Variants in TFB1M observed in about 807,000 individuals in gnomAD.
TFB1M encodes the protein transcription factor B1, mitochondrial.
TFB1M carries 27 observed loss-of-function variants against 31.1 expected under a neutral mutation model. The ratio of observed to expected loss-of-function variants is 0.87; its 90% CI spans 0.64 to 1.20. TFB1M has a LOEUF of 1.20. TFB1M is among the 50% of genes most tolerant of loss of function. TFB1M has a pLI of 0.00. For missense variants in TFB1M, 394 were observed against 418.7 expected, an observed-to-expected ratio of 0.94 and a Z score of 0.51; for synonymous variants, 166 against 151.8, an observed-to-expected ratio of 1.09 and a Z score of -0.69.
chr6:155,275,098 C>T lies in TFB1M; in HGVS notation c.666+10060G>A, dbSNP rs901774591. 3.9e-3 allele frequency among the ~76,000 whole-genome samples: 591 copies of T among 150,918 alleles called. 5 individuals are homozygous for T. The highest frequency in any genetic ancestry group is 0.014 in the African/African-American group (559 of 41,250). On this transcript the variant is annotated intron_variant, in intron 5 of 6. Transcript: ENST00000367166. ...AAAATTAGCCGGGCATGGTGGCGGG[C>T]GCCTGTAGTCCCAGCTACTCGGGAG...
chr6:155,245,373 C>G, the TFB1M span, among the ~76,000 whole-genome samples: 1 of 152,140 alleles, frequency 6.6e-6, no homozygotes, highest in Admixed American at 6.6e-5. Context: ...GTAGAACTTT[C>G]TTTGTTTCTT....
intron 5 of TFB1M, among the ~76,000 whole-genome samples, chr6:155,261,815 G>A (rs557402897): frequency 4.7e-4 from 72 of 152,254 alleles, no homozygotes; most frequent in Non-Finnish European, 7.8e-4. Flanking sequence ...TGTGCCAAGC[G>A]GCCTTTCCAC....
At chr6:155,243,744 G>A in the TFB1M span, among the ~76,000 whole-genome samples, 2 of 150,670 alleles carry the variant, frequency 1.3e-5, no homozygotes, top group Admixed American at 1.3e-4. Context: ...CTATGTGGGA[G>A]GCTGAGGCAG....
intron 5 of TFB1M, among the ~76,000 whole-genome samples, chr6:155,268,373 G>T (rs1583318500): frequency 6.6e-6 from 1 of 152,136 alleles, no homozygotes; most frequent in East Asian, 1.9e-4. Flanking sequence ...CTGATCCCCA[G>T]GCTTCTTTGA....
the TFB1M span, chr6:155,248,158 G>A: frequency 5.6e-6 from 9 of 1,613,780 alleles, no homozygotes; most frequent in East Asian, 1.1e-4. Context: ...CCAGGAGAGC[G>A]AGGAGCACTA....
chr6:155,269,902 C>G (rs1482884213), intron 5 of TFB1M, among the ~76,000 whole-genome samples: 1 of 152,176 alleles, frequency 6.6e-6, no homozygotes. Context: ...TATTGTATCC[C>G]TACTATGTGC....
chr6:155,269,442 C>T (rs1784826232), intron 5 of TFB1M, among the ~76,000 whole-genome samples: 1 of 151,560 alleles, frequency 6.6e-6, no homozygotes, highest in African/African-American at 2.4e-5. Flanking sequence ...TTGCCTCAGC[C>T]TCCCGAGAAG....
chr6:155,253,731 A>T, downstream of TFB1M: 2 of 417,562 alleles, frequency 4.8e-6, no homozygotes. Flanking sequence ...GGGGCTCCAG[A>T]GAGAGGGTGA....
At chr6:155,280,420 G>A (rs1368982509) in intron 5 of TFB1M, among the ~76,000 whole-genome samples, 2 of 152,174 alleles carry the variant, frequency 1.3e-5, no homozygotes, top group Non-Finnish European at 2.9e-5. Flanking sequence ...GAACACAGAC[G>A]CGTGGGGCAA....
At chr6:155,250,532 T>C in the TFB1M span, 2 of 1,535,714 alleles carry the variant, frequency 1.3e-6, no homozygotes, top group South Asian at 1.2e-5. Flanking sequence ...GGTGCTCTTT[T>C]ATCAGCAGCC....
At chr6:155,304,596 C>A (rs1242172442) in intron 2 of TFB1M, among the ~76,000 whole-genome samples, 2 of 151,974 alleles carry the variant, frequency 1.3e-5, no homozygotes, top group Admixed American at 6.6e-5. Flanking sequence ...GTAAGCACAT[C>A]ATGATGAAAT....
the TFB1M span, among the ~76,000 whole-genome samples, chr6:155,236,291 C>T: frequency 1.3e-3 from 193 of 151,886 alleles, no homozygotes; most frequent in Admixed American, 6.6e-4. Flanking sequence ...CCAAGCAGAA[C>T]GCGAGCTGTA....
Position 155,257,483 on chromosome 6 carries a change from TC to T in TFB1M, c.*352del. 3.0e-6 allele frequency: 1 copy of T among 336,518 alleles called. No homozygotes were observed. The highest frequency in any genetic ancestry group is 3.6e-5 in the South Asian group (1 of 28,030). The allele number at this position is 336,518 out of a possible 1,614,324, so 20.8% of individuals were successfully genotyped here. ...ATTTTTTAAAATCCTCTGGGCATTT[TC>T]TTTCAGCTGTTTGTTAGTTTTTGCT... is the stretch of plus-strand genomic sequence containing the variant. On this transcript the variant is annotated 3_prime_UTR_variant, in exon 7 of 7. Transcript: ENST00000367166.
intron 5 of TFB1M, among the ~76,000 whole-genome samples, chr6:155,279,127 CAT>C (rs1363261985): frequency 6.6e-6 from 1 of 152,032 alleles, no homozygotes; most frequent in African/African-American, 2.4e-5. Context: ...TTTGAGAAAT[CAT>C]AGTCTAATTT....
chr6:155,240,828 C>T, the TFB1M span: 40 of 1,036,580 alleles, frequency 3.9e-5, 2 homozygotes, highest in South Asian at 1.7e-5. Flanking sequence ...GGGGGGGACA[C>T]CTGCTCCTTG....
intron 6 of TFB1M, among the ~76,000 whole-genome samples, chr6:155,259,887 G>A: frequency 6.6e-6 from 1 of 152,224 alleles, no homozygotes; most frequent in Admixed American, 6.5e-5. Flanking sequence ...TGGCTGCTCA[G>A]AAGTCATATT....
chr6:155,253,099 A>G, downstream of TFB1M: 1 of 1,482,606 alleles, frequency 6.7e-7, no homozygotes, highest in Non-Finnish European at 9.4e-7. Flanking sequence ...ATTTTAGTAG[A>G]CTTAACTGTG....
At chr6:155,241,030 A>G in the TFB1M span, among the ~76,000 whole-genome samples, 66,713 of 152,086 alleles carry the variant, frequency 0.44, 15,615 homozygotes, top group Middle Eastern at 0.58. Context: ...GGGGAGAGAG[A>G]TCACTTTAGG....
At chr6:155,254,388 C>T, downstream of TFB1M, 2 of 1,606,682 alleles carry the variant, frequency 1.2e-6, no homozygotes, top group Non-Finnish European at 1.7e-6. Context: ...ACTGTGGACA[C>T]TTCTGCTGTT....
Sources: allele counts gnomAD v4.1 joint callset (sites outside exome capture counted in the v4.1 genomes callset), GRCh38; gene constraint gnomAD v4.1.1; transcripts MANE v1.5; gene names NCBI Gene and HGNC (gene_info 2026-07-23, HGNC 2026-07-21).